HSD17B4: variants seen among roughly 807,000 people sequenced by gnomAD.
HSD17B4 encodes the protein hydroxysteroid 17-beta dehydrogenase 4.
HSD17B4 carries 70 observed loss-of-function variants against 101.0 expected under a neutral mutation model. That is an observed-to-expected ratio of 0.69 (90% CI 0.57 to 0.85). HSD17B4 has a LOEUF of 0.85. Ranked by LOEUF, HSD17B4 falls within the 40% of genes least tolerant of loss-of-function variation. The pLI, the probability that HSD17B4 is intolerant of heterozygous loss-of-function variation, is 0.00. For missense variants in HSD17B4, 984 were observed against 892.4 expected (o/e 1.10, Z -1.31); for synonymous variants, 347 against 297.1 (o/e 1.17, Z -1.73).
intron 6 of HSD17B4, among the ~76,000 whole-genome samples, chr5:119,476,887 T>A (rs1389144419): frequency 2.6e-5 from 4 of 152,212 alleles, no homozygotes; most frequent in African/African-American, 4.8e-5. Flanking sequence ...TTAAAAAACT[T>A]GACAATTAAA....
Position 119,492,034 on chromosome 5 carries a change from A to G in HSD17B4, c.715-66A>G, listed in dbSNP as rs1433410569. The G allele has an allele frequency of 6.8e-6, 9 of 1,330,882 alleles. No homozygotes were observed. In the African/African-American group the frequency reaches 7.2e-5, roughly 11 times the overall value. 82.4% of individuals were successfully genotyped at this position (1,330,882 alleles called of 1,614,324 possible). On this transcript the variant is annotated intron_variant, in intron 9 of 23. Transcript: ENST00000510025. ...CTAGTAGAGGAGCTGACTTTTTTCT[A>G]ATTAAAACAATTGTATTAGTGATTT... is the stretch of plus-strand genomic sequence containing the variant.
intron 13 of HSD17B4, among the ~76,000 whole-genome samples, chr5:119,500,843 G>A (rs1417581178): frequency 2.0e-5 from 3 of 152,104 alleles, no homozygotes; most frequent in African/African-American, 7.2e-5. Flanking sequence ...GAACAGTGGT[G>A]AGAAGTTCTT....
chr5:119,478,803 G>T (rs1442471283), intron 7 of HSD17B4, 31 bp from the exon 8 acceptor site: 2 of 1,568,982 alleles, frequency 1.3e-6, no homozygotes, highest in Non-Finnish European at 1.8e-6. Context: ...TTATGGAAAA[G>T]ATGATATTGA....
intron 11 of HSD17B4, chr5:119,495,636 A>C: frequency 6.4e-6 from 1 of 155,238 alleles, no homozygotes; most frequent in Non-Finnish European, 1.4e-5. Context: ...GGAATGGCAG[A>C]TATCTCTGGT....
At position 119,525,965 on chromosome 5, in the gene HSD17B4, C is replaced by T. The variant is rs781124964; in HGVS notation, c.1622C>T (p.Ala541Val). 4.3e-6 allele frequency: 7 copies of T among 1,611,716 alleles called. No homozygotes were observed. The highest frequency in any genetic ancestry group is 3.3e-4 in the Middle Eastern group (2 of 6,070). Residue 541 changes from alanine (A) to valine (V), a missense_variant, in exon 19 of 24, where the codon GCC becomes GTC. Physicochemically the swap from Ala to Val is moderately conservative, Grantham distance 64. Coordinates refer to ENST00000510025, the MANE Select transcript of HSD17B4 (RefSeq NM_000414.4). ...GGATTATGTACATTTGGATTTTCTG[C>T]CAGGCGTGTGTTACAGCAGTTTGCA... Reference protein sequence around the residue: ...LHGLCTFGFSARRVLQQFADN... With the variant: ...LHGLCTFGFSVRRVLQQFADN...
chr5:119,455,516 C>CA (rs199923596), intron 1 of HSD17B4, among the ~76,000 whole-genome samples: 20,998 of 142,982 alleles, frequency 0.15, 1,590 homozygotes, highest in African/African-American at 0.17. Context: ...GACTGGATCT[C>CA]AAAAAAAAAG....
At chr5:119,477,367 C>G (rs774630823) in intron 6 of HSD17B4, 50 bp from the exon 7 acceptor site, 3 of 1,224,148 alleles carry the variant, frequency 2.5e-6, no homozygotes, top group Non-Finnish European at 3.6e-6. Flanking sequence ...GATTCTTAGA[C>G]ATGCCTAAGT....
chr5:119,515,374 G>C (rs1482212814), intron 17 of HSD17B4, among the ~76,000 whole-genome samples: 2 of 152,142 alleles, frequency 1.3e-5, no homozygotes, highest in African/African-American at 4.8e-5. Flanking sequence ...GAAAGCCTCA[G>C]AGTAAGTGCA....
At chr5:119,482,374 A>G (rs566894401) in intron 8 of HSD17B4, among the ~76,000 whole-genome samples, 1 of 151,786 alleles carries the variant, frequency 6.6e-6, no homozygotes, top group African/African-American at 2.4e-5. Flanking sequence ...CACTTTTTCC[A>G]TTAGAGCCCT....
At position 119,541,898 on chromosome 5, in the gene HSD17B4, C is replaced by T. The variant is rs1755025549; in HGVS notation, c.2122-7C>T. 1.3e-6 allele frequency: 2 copies of T among 1,587,060 alleles called. No individual in the cohort carries two copies. Among genetic ancestry groups the T allele is most frequent in the South Asian group, 1.1e-5 (1 of 90,502 alleles). ...GTTGGCACTCTTTTTCCCTCCTCTC[C>T]TTGCAGGCATTCTTTAGTGGCAGGC... On this transcript the variant is annotated splice_polypyrimidine_tract_variant and splice_region_variant and intron_variant, in intron 23 of 23. Coordinates refer to ENST00000510025, the MANE Select transcript of HSD17B4 (RefSeq NM_000414.4).
At chr5:119,470,814 C>A (rs184133476) in intron 2 of HSD17B4, among the ~76,000 whole-genome samples, 64 of 152,356 alleles carry the variant, frequency 4.2e-4, no homozygotes, top group Middle Eastern at 3.4e-3. Context: ...TTGATGACAT[C>A]TAACCAGTAT....
chr5:119,501,686 A>G (rs575629740), intron 13 of HSD17B4, among the ~76,000 whole-genome samples: 51 of 152,230 alleles, frequency 3.4e-4, no homozygotes, highest in African/African-American at 1.2e-3. Flanking sequence ...TTCTTATTCA[A>G]TGAATATTTA....
intron 23 of HSD17B4, among the ~76,000 whole-genome samples, chr5:119,537,618 C>T (rs78417112): frequency 0.014 from 2,069 of 152,118 alleles, 27 homozygotes; most frequent in Non-Finnish European, 0.021. Context: ...AAGAGTAAGC[C>T]TGAGTATAGT....
intron 15 of HSD17B4, among the ~76,000 whole-genome samples, 154 bp downstream of exon 15, chr5:119,507,043 TAAAG>T (rs1561470205): frequency 6.6e-6 from 1 of 152,042 alleles, no homozygotes; most frequent in Admixed American, 6.6e-5. Context: ...TTAAGAAAAA[TAAAG>T]AAGGAGGGGG....
chr5:119,462,822 G>GC (rs1294468345), intron 2 of HSD17B4, among the ~76,000 whole-genome samples: 2 of 151,872 alleles, frequency 1.3e-5, no homozygotes, highest in Non-Finnish European at 2.9e-5. Flanking sequence ...CATATCCATC[G>GC]CCTCAAACAT....
chr5:119,503,937 C>T (rs894721769), intron 14 of HSD17B4, among the ~76,000 whole-genome samples: 21 of 152,078 alleles, frequency 1.4e-4, no homozygotes, highest in African/African-American at 4.3e-4. Flanking sequence ...TTCTTGCTCT[C>T]CCTACTCTAG....
At chr5:119,506,637 T>C (rs1751679429) in intron 14 of HSD17B4, among the ~76,000 whole-genome samples, 181 bp from the exon 15 acceptor site, 1 of 152,188 alleles carries the variant, frequency 6.6e-6, no homozygotes, top group South Asian at 2.1e-4. Flanking sequence ...CCACCAACAG[T>C]GTAAAAGCGT....
chr5:119,501,396 AGT>A (rs1491135568), intron 13 of HSD17B4, among the ~76,000 whole-genome samples: 3 of 149,710 alleles, frequency 2.0e-5, no homozygotes, highest in Non-Finnish European at 4.4e-5. Context: ...GGATCATTTG[AGT>A]GTATGCTTCA....
chr5:119,473,544 G>A (rs28501075), intron 2 of HSD17B4, among the ~76,000 whole-genome samples: 1 of 151,822 alleles, frequency 6.6e-6, no homozygotes, highest in Non-Finnish European at 1.5e-5. Flanking sequence ...GGTGGTCTTA[G>A]ACTCCTGAGC....
Sources: gnomAD v4.1 joint callset for allele counts (sites outside exome capture counted in the v4.1 genomes callset) on GRCh38, gnomAD v4.1.1 for gene constraint, MANE v1.5 for transcripts, NCBI Gene and HGNC (gene_info 2026-07-23, HGNC 2026-07-21) for gene names.